FXYD2: variants seen among roughly 807,000 people sequenced by gnomAD.
The protein encoded by FXYD2 is sodium/potassium-transporting ATPase subunit gamma.
FXYD2 carries 8 observed loss-of-function variants against 11.8 expected under a neutral mutation model. The observed-to-expected ratio is 0.68, with a 90% CI of 0.40 to 1.22. FXYD2 has a LOEUF of 1.22. Among genes scored for constraint, FXYD2 ranks in the 50% most tolerant of loss-of-function variants. FXYD2 has a pLI of 0.01. For synonymous variants in FXYD2, 42 were observed against 33.3 expected (o/e 1.26, Z -0.90); for missense variants, 92 against 91.8 (o/e 1.00, Z -0.01).
At position 117,822,224 on chromosome 11, in the gene FXYD2, T is replaced by C; in HGVS notation, c.139+182A>G. On this transcript the variant is annotated intron_variant, in intron 3 of 5. Transcript: ENST00000292079. The surrounding 1 kb of genome is among the most constrained non-coding windows in gnomAD (Gnocchi z 4.7). ...GGGTGCACTTGAGCAAGCAGGAACC[T>C]CACACTGTGCTCCCAGCGAGCCTGG... 1.3e-6 allele frequency: 2 copies of C among 1,493,924 alleles called. No homozygotes were observed. Among genetic ancestry groups the C allele is most frequent in the Non-Finnish European group, 1.8e-6 (2 of 1,122,138 alleles). The allele number at this position is 1,493,924 out of a possible 1,614,324, so 92.5% of individuals were successfully genotyped here.
Position 117,824,178 on chromosome 11 carries a change from C to T in FXYD2, c.25+476G>A, listed in dbSNP as rs2055983242. On this transcript the variant is annotated intron_variant, in intron 1 of 5. Transcript: ENST00000292079. The surrounding 1 kb of genome is among the most constrained non-coding windows in gnomAD (Gnocchi z 4.0). ...AAAACCCACCTCTGTCAGCAAGTGC[C>T]CCTCTTGGTTTCCAGGCCTGAGTCA... The T allele has an allele frequency of 4.9e-6, 1 of 203,410 alleles. No individual in the cohort carries two copies. Among genetic ancestry groups the T allele is most frequent in the Non-Finnish European group, 1.0e-5 (1 of 97,924 alleles). 12.6% of individuals were successfully genotyped at this position (203,410 alleles called of 1,614,324 possible).
In FXYD2 at chr11:117,824,319, G is replaced by T. The variant is rs1367406520; in HGVS notation, c.25+335C>A. On this transcript the variant is annotated intron_variant, in intron 1 of 5. Coordinates refer to ENST00000292079, the MANE Select transcript of FXYD2 (RefSeq NM_001680.5). The surrounding 1 kb of genome is among the most constrained non-coding windows in gnomAD (Gnocchi z 4.0). ...CTGCTCCTTCCCCAGCCAGATGGAC[G>T]CCGTCTGCCTCCCGCCCAAGTTCAG... 4.4e-6 allele frequency: 2 copies of T among 451,580 alleles called. No individual in the cohort carries two copies. The highest frequency in any genetic ancestry group is 4.9e-5 in the South Asian group (2 of 40,792). The allele number at this position is 451,580 out of a possible 1,614,324, so 28.0% of individuals were successfully genotyped here. A position where few individuals can be genotyped will look rare whatever the true frequency, so the allele number is the denominator to read the frequency against.
chr11:117,827,903 C>T, upstream of FXYD2: 4 of 870,764 alleles, frequency 4.6e-6, no homozygotes. Context: ...TCCTGCACTT[C>T]TGGGGAGCTT....
upstream of FXYD2, among the ~76,000 whole-genome samples, chr11:117,827,127 GA>G (rs2056061565): frequency 7.1e-6 from 1 of 141,208 alleles, no homozygotes; most frequent in Non-Finnish European, 1.5e-5. Context: ...TAGATAGATA[GA>G]TAGATAGATA....
At chr11:117,827,026 G>C (rs535794612), upstream of FXYD2, among the ~76,000 whole-genome samples, 15 of 146,502 alleles carry the variant, frequency 1.0e-4, no homozygotes, top group African/African-American at 1.5e-4. Flanking sequence ...CTCCCACTGC[G>C]GGGGGGAGGA....
In FXYD2 at chr11:117,820,311, C is replaced by T. The variant is rs2055866850; in HGVS notation, c.*68G>A. ...AAGCCCAGGGAAGAAGGGGAGGCGC[C>T]AGAGGCAGGGCCATGCTTGGCTTCC... is the stretch of plus-strand genomic sequence containing the variant. On this transcript the variant is annotated 3_prime_UTR_variant, in exon 6 of 6. Transcript: ENST00000292079. 2 of 346,306 alleles carry T rather than the reference C, an allele frequency of 5.8e-6. No individual in the cohort carries two copies. Among genetic ancestry groups the T allele is most frequent in the South Asian group, 6.0e-5 (1 of 16,754 alleles). 21.5% of individuals were successfully genotyped at this position (346,306 alleles called of 1,614,324 possible).
chr11:117,823,024 G>A (rs560526966), intron 1 of FXYD2, among the ~76,000 whole-genome samples: 1 of 152,272 alleles, frequency 6.6e-6, no homozygotes, highest in South Asian at 2.1e-4. Context: ...GGTAGAAAAG[G>A]CCAGGAGAAG....
chr11:117,824,835 C>T, upstream of FXYD2: 2 of 959,314 alleles, frequency 2.1e-6, no homozygotes, highest in Middle Eastern at 4.2e-4. The surrounding 1 kb of genome is among the most constrained non-coding windows in gnomAD (Gnocchi z 4.0). Context: ...AGAAAAGCTG[C>T]AGTGTGGATG....
upstream of FXYD2, among the ~76,000 whole-genome samples, chr11:117,825,371 G>A (rs756627300): frequency 1.8e-4 from 28 of 152,284 alleles, no homozygotes; most frequent in Middle Eastern, 3.4e-3. Context: ...CTTCCCTGCC[G>A]CCCTGGCACT....
Position 117,824,720 on chromosome 11 carries a change from T to A in FXYD2, c.-42A>T. 1 of 1,612,312 alleles carries A rather than the reference T, an allele frequency of 6.2e-7. No homozygotes were observed. Among genetic ancestry groups the A allele is most frequent in the Non-Finnish European group, 8.5e-7 (1 of 1,179,322 alleles). On this transcript the variant is annotated 5_prime_UTR_variant, in exon 1 of 6. Transcript: ENST00000292079. This position sits in a 1 kb window ranked among gnomAD's most constrained non-coding sequence, Gnocchi z 4.0. ...GCTGCCTCCACTCCCCTCTTCCTGC[T>A]GTCTCTGCTTTTTGGAGAGTGTCTG...
At position 117,824,686 on chromosome 11, in the gene FXYD2, G is replaced by C. The variant is rs753343885; in HGVS notation, c.-8C>G. On this transcript the variant is annotated 5_prime_UTR_variant, in exon 1 of 6. Transcript: ENST00000292079. This position sits in a 1 kb window ranked among gnomAD's most constrained non-coding sequence, Gnocchi z 4.0. ...CATCGACAACCCAGTCATTTCCCCAGGTGAATGGGCTGCCTCCACTCCCCT... is the reference window on the plus strand; with the variant it reads ...CATCGACAACCCAGTCATTTCCCCACGTGAATGGGCTGCCTCCACTCCCCT... 117 of 1,613,848 alleles carry C rather than the reference G, an allele frequency of 7.2e-5. No individual in the cohort carries two copies. The highest frequency in any genetic ancestry group is 5.1e-6 in the Non-Finnish European group (6 of 1,179,966).
rs1244872942 is a variant in FXYD2 at position 117,824,394 on chromosome 11, C to T, written c.25+260G>A. ...TCAGGGCGGGTGTGTGCCAGGAGGCCGAGGAGGAACGCTCAGCTCTCCAGC... is the reference window on the plus strand; with the variant it reads ...TCAGGGCGGGTGTGTGCCAGGAGGCTGAGGAGGAACGCTCAGCTCTCCAGC... On this transcript the variant is annotated intron_variant, in intron 1 of 5. Transcript: ENST00000292079. The surrounding 1 kb of genome is among the most constrained non-coding windows in gnomAD (Gnocchi z 4.0). The T allele has an allele frequency of 5.7e-5, 34 of 592,880 alleles. No homozygotes were observed. Among genetic ancestry groups the T allele is most frequent in the Non-Finnish European group, 9.4e-5 (31 of 330,342 alleles). 36.7% of individuals were successfully genotyped at this position (592,880 alleles called of 1,614,324 possible).
rs1365714612 is a variant in FXYD2 at position 117,822,446 on chromosome 11, G to A, written c.99C>T (p.Phe33=). ...YETVRNGGLI[F]AGLAFIVGLL... ...GCCCCACGATGAAGGCCAGTCCAGC[G>A]AAGATCAGGCCCCCATTGCGAACGG... Residue 33 remains phenylalanine (F), a synonymous_variant, in exon 3 of 6, where the codon TTC becomes TTT. Transcript: ENST00000292079. The surrounding 1 kb of genome is among the most constrained non-coding windows in gnomAD (Gnocchi z 4.7). The A allele has an allele frequency of 1.9e-6, 3 of 1,563,548 alleles. No individual in the cohort carries two copies. The highest frequency in any genetic ancestry group is 1.7e-6 in the Non-Finnish European group (2 of 1,153,096).
upstream of FXYD2, among the ~76,000 whole-genome samples, chr11:117,827,109 T>C (rs1248823190): frequency 6.6e-6 from 1 of 151,002 alleles, no homozygotes; most frequent in Non-Finnish European, 1.5e-5. Context: ...GATAGATAGA[T>C]AGATAGATAG....
chr11:117,821,219 G>T, intron 3 of FXYD2: 2 of 431,130 alleles, frequency 4.6e-6, no homozygotes, highest in Non-Finnish European at 6.4e-6. Flanking sequence ...ACCATGCCCA[G>T]CTAATTAAAA....
chr11:117,826,767 T>A (rs1331369038), upstream of FXYD2, among the ~76,000 whole-genome samples: 1 of 113,136 alleles, frequency 8.8e-6, no homozygotes, highest in African/African-American at 3.1e-5. Context: ...TGTCTGTCTG[T>A]CTGTCTGTCT....
chr11:117,822,620 G>C lies in FXYD2; in HGVS notation c.64+59C>G. 6.3e-7 allele frequency: 1 copy of C among 1,592,580 alleles called. No individual in the cohort carries two copies. The highest frequency in any genetic ancestry group is 1.1e-5 in the South Asian group (1 of 87,322). Reference sequence around the variant, plus strand: ...CATGGACCTGGGGCTGGGAGAGGCCGCTGCTTGGTGGAAGGGGTCCTGAGG... The same window carrying C: ...CATGGACCTGGGGCTGGGAGAGGCCCCTGCTTGGTGGAAGGGGTCCTGAGG... On this transcript the variant is annotated intron_variant, in intron 2 of 5. Transcript: ENST00000292079. This position sits in a 1 kb window ranked among gnomAD's most constrained non-coding sequence, Gnocchi z 4.7.
upstream of FXYD2, among the ~76,000 whole-genome samples, chr11:117,825,886 C>A (rs1434657485): frequency 6.6e-6 from 1 of 152,140 alleles, no homozygotes; most frequent in African/African-American, 2.4e-5. Flanking sequence ...CTGAAGGGAG[C>A]CACTGTATCC....
upstream of FXYD2, among the ~76,000 whole-genome samples, chr11:117,826,778 G>GTCTGTCTGTCTGTCTGTCTA: frequency 7.9e-6 from 1 of 125,876 alleles, no homozygotes; most frequent in South Asian, 2.8e-4. Context: ...CTGTCTGTCT[G>GTCTGTCTGTCTGTCTGTCTA]TCTATCTATC....
Sources: allele counts gnomAD v4.1 joint callset (sites outside exome capture counted in the v4.1 genomes callset), GRCh38; gene constraint gnomAD v4.1.1; non-coding constraint Gnocchi (gnomAD v3.1); transcripts MANE v1.5; gene names NCBI Gene and HGNC (gene_info 2026-07-23, HGNC 2026-07-21).